The following ZNF804B variants were observed in gnomAD, a reference collection of about 807,000 sequenced individuals.
ZNF804B encodes zinc finger protein 804B, also known as zinc finger 804B.
Under a neutral mutation model 101.4 loss-of-function variants are expected in ZNF804B, and 80 were observed. The observed-to-expected ratio is 0.79, with a 90% CI of 0.66 to 0.95. The LOEUF is 0.95. Ranked by LOEUF, ZNF804B falls within the 40% of genes least tolerant of loss-of-function variation. The pLI is 0.00. For synonymous variants in ZNF804B, 622 were observed against 558.8 expected (o/e 1.11, Z -1.59); for missense variants, 1,673 against 1,561.9 (o/e 1.07, Z -1.20).
intron 1 of ZNF804B, among the ~76,000 whole-genome samples, chr7:89,064,140 T>C (rs1789417566): frequency 6.6e-6 from 1 of 152,100 alleles, no homozygotes; most frequent in African/African-American, 2.4e-5. Flanking sequence ...AGACCCTCCG[T>C]GGAGCTCTGG....
At chr7:89,302,878 AT>A (rs1316804030) in intron 2 of ZNF804B, among the ~76,000 whole-genome samples, 1 of 151,916 alleles carries the variant, frequency 6.6e-6, no homozygotes, top group African/African-American at 2.4e-5. Flanking sequence ...ATGGCAATAA[AT>A]TGGTTTTACC....
At chr7:89,104,098 T>C (rs971609525) in intron 1 of ZNF804B, among the ~76,000 whole-genome samples, 2 of 152,094 alleles carry the variant, frequency 1.3e-5, no homozygotes, top group African/African-American at 4.8e-5. Flanking sequence ...TCATGCTGAA[T>C]TGTCTTTTTG....
Position 88,970,760 on chromosome 7 carries a change from T to C in ZNF804B, c.108+210676T>C, listed in dbSNP as rs972318758. Among the ~76,000 whole-genome samples the C allele has an allele frequency of 8.3e-5, 11 of 132,252 alleles. No individual in the cohort carries two copies. The East Asian group carries it at 1.3e-3, about 16-fold the overall frequency. 86.8% of individuals were successfully genotyped at this position (132,252 alleles called of 152,430 possible). ...GCATGTTCTCACTCTTAGGTGGGAA[T>C]TGAACAATGAGAACACAAGGACACA... is the stretch of plus-strand genomic sequence containing the variant. On this transcript the variant is annotated intron_variant, in intron 1 of 3. Transcript: ENST00000333190.
At chr7:88,863,608 G>C (rs572037495) in intron 1 of ZNF804B, among the ~76,000 whole-genome samples, 1 of 152,164 alleles carries the variant, frequency 6.6e-6, no homozygotes, top group Non-Finnish European at 1.5e-5. Context: ...CATAGTTTCT[G>C]TAGATGAAAT....
chr7:88,854,414 C>CTTTCTTTCTTTCTTCCTTCCTTTCTTT (rs1791502231), intron 1 of ZNF804B, among the ~76,000 whole-genome samples: 7 of 57,076 alleles, frequency 1.2e-4, no homozygotes, highest in Non-Finnish European at 2.5e-4. Flanking sequence ...TTTCTTTCTT[C>CTTTCTTTCTTTCTTCCTTCCTTTCTTT]CTTTCTTTCT....
At chr7:89,003,471 A>C (rs1488784934) in intron 1 of ZNF804B, among the ~76,000 whole-genome samples, 1 of 152,020 alleles carries the variant, frequency 6.6e-6, no homozygotes, top group East Asian at 1.9e-4. Context: ...ATCAACAGAG[A>C]GGAGATATTG....
chr7:88,760,217 T>A (rs775164194), intron 1 of ZNF804B, 133 bp downstream of exon 1: 11 of 686,948 alleles, frequency 1.6e-5, no homozygotes, highest in Non-Finnish European at 2.8e-5. Context: ...TCCATAGGTA[T>A]GGAGATACAT....
intron 1 of ZNF804B, among the ~76,000 whole-genome samples, chr7:88,944,680 A>C (rs1475482030): frequency 3.9e-5 from 6 of 151,984 alleles, no homozygotes; most frequent in Admixed American, 2.6e-4. Context: ...AAGTAACCAG[A>C]GTCATTTAAA....
intron 2 of ZNF804B, among the ~76,000 whole-genome samples, chr7:89,239,061 A>C (rs1214098258): frequency 6.6e-6 from 1 of 152,176 alleles, no homozygotes; most frequent in African/African-American, 2.4e-5. Flanking sequence ...TTATGTTTTT[A>C]AAAATAGCTA....
chr7:89,327,636 C>T (rs1790915361), intron 3 of ZNF804B, among the ~76,000 whole-genome samples, 162 bp downstream of exon 3: 1 of 151,802 alleles, frequency 6.6e-6, no homozygotes, highest in South Asian at 2.1e-4. Flanking sequence ...AACTTTTGGC[C>T]TTTGATATTT....
intron 1 of ZNF804B, among the ~76,000 whole-genome samples, chr7:88,930,331 G>A (rs1000225303): frequency 6.6e-6 from 1 of 151,882 alleles, no homozygotes; most frequent in South Asian, 2.1e-4. Flanking sequence ...TGCATTAACT[G>A]AGGAGAAATG....
chr7:88,919,442 A>T (rs1792687091), intron 1 of ZNF804B, among the ~76,000 whole-genome samples: 1 of 152,122 alleles, frequency 6.6e-6, no homozygotes, highest in Non-Finnish European at 1.5e-5. Context: ...GAGCCTATAC[A>T]TTGAGAGGGA....
chr7:89,099,003 A>C (rs1288841808), intron 1 of ZNF804B, among the ~76,000 whole-genome samples: 1 of 148,892 alleles, frequency 6.7e-6, no homozygotes, highest in Non-Finnish European at 1.5e-5. Flanking sequence ...AGTGCAGTAC[A>C]ATTATATACG....
intron 2 of ZNF804B, among the ~76,000 whole-genome samples, chr7:89,242,446 T>C: frequency 6.6e-6 from 1 of 151,912 alleles, no homozygotes; most frequent in East Asian, 1.9e-4. Context: ...ATATGTATTA[T>C]TCCACTGCCT....
intron 1 of ZNF804B, among the ~76,000 whole-genome samples, chr7:89,183,926 T>C (rs1013146120): frequency 1.3e-5 from 2 of 152,104 alleles, no homozygotes; most frequent in African/African-American, 4.8e-5. Flanking sequence ...TTAATTTCAG[T>C]CTTTTATAGA....
At chr7:88,814,901 A>C (rs1194242399) in intron 1 of ZNF804B, among the ~76,000 whole-genome samples, 1 of 151,796 alleles carries the variant, frequency 6.6e-6, no homozygotes, top group African/African-American at 2.4e-5. Context: ...TTTATAACTG[A>C]AGACAGATAA....
At chr7:88,837,358 C>T (rs75226608) in intron 1 of ZNF804B, among the ~76,000 whole-genome samples, 3,918 of 151,970 alleles carry the variant, frequency 0.026, 126 homozygotes, top group African/African-American at 0.072. Flanking sequence ...GTGTGACATC[C>T]ACTGTGAGTT....
At chr7:89,053,726 T>TTC (rs1208633981) in intron 1 of ZNF804B, among the ~76,000 whole-genome samples, 1 of 150,800 alleles carries the variant, frequency 6.6e-6, no homozygotes. Flanking sequence ...TGCTCTCTCT[T>TTC]TCTCTCTCTC....
At chr7:88,976,086 A>G (rs1793612520) in intron 1 of ZNF804B, among the ~76,000 whole-genome samples, 2 of 151,360 alleles carry the variant, frequency 1.3e-5, no homozygotes, top group Non-Finnish European at 3.0e-5. Flanking sequence ...CTGTGGATGT[A>G]TAGGTTTATT....
Sources: allele counts gnomAD v4.1 joint callset (sites outside exome capture counted in the v4.1 genomes callset), GRCh38; gene constraint gnomAD v4.1.1; transcripts MANE v1.5; gene names NCBI Gene and HGNC (gene_info 2026-07-23, HGNC 2026-07-21).